The following DYNC1LI2 variants were observed in gnomAD, a reference collection of about 807,000 sequenced individuals.
The protein encoded by DYNC1LI2 is cytoplasmic dynein 1 light intermediate chain 2.
In DYNC1LI2, 19 loss-of-function variants were observed where a neutral mutation model predicts 57.8. The ratio of observed to expected loss-of-function variants is 0.33; its 90% CI spans 0.23 to 0.48. DYNC1LI2 has a LOEUF of 0.48. Ranked by LOEUF, DYNC1LI2 falls within the 20% of genes least tolerant of loss-of-function variation. The probability of loss-of-function intolerance (pLI) is 0.99; values close to 1 mark genes in which losing one functional copy is unlikely to be tolerated. For synonymous variants in DYNC1LI2, 256 were observed against 233.4 expected (o/e 1.10, Z -0.88); for missense variants, 470 against 604.2 (o/e 0.78, Z 2.33).
intron 6 of DYNC1LI2, 181 bp downstream of exon 6, chr16:66,734,037 T>C (rs2017685722): frequency 1.8e-6 from 1 of 561,824 alleles, no homozygotes; most frequent in South Asian, 2.3e-5. Flanking sequence ...TGATCAAAGG[T>C]AGACACAAGT....
chr16:66,741,642 C>T (rs970053956), intron 4 of DYNC1LI2, among the ~76,000 whole-genome samples: 16 of 152,052 alleles, frequency 1.1e-4, no homozygotes, highest in African/African-American at 3.9e-4. Context: ...TGTGAAAATA[C>T]GCCAGGCTGG....
rs376495965 is a variant in DYNC1LI2 at position 66,740,222 on chromosome 16, T to C, written c.529+2216A>G. ...CACAGACACAAAACCACTGGGAACC[T>C]AACCCTAAAAGAGACTGGCCGGCCA... On this transcript the variant is annotated intron_variant, in intron 4 of 12. Transcript: ENST00000258198. Among the ~76,000 whole-genome samples the C allele has an allele frequency of 1.4e-4, 22 of 152,174 alleles. No individual in the cohort carries two copies. In the East Asian group the frequency reaches 4.1e-3, roughly 28 times the overall value.
intron 4 of DYNC1LI2, 71 bp from the exon 5 acceptor site, chr16:66,736,315 A>C: frequency 6.5e-7 from 1 of 1,549,622 alleles, no homozygotes; most frequent in Non-Finnish European, 8.8e-7. Context: ...GAACACTGAA[A>C]AGAAGGCAAT....
intron 4 of DYNC1LI2, chr16:66,739,149 G>A (rs1287532067): frequency 1.3e-5 from 2 of 152,156 alleles, no homozygotes; most frequent in Admixed American, 6.5e-5. Flanking sequence ...CGAAGATCTC[G>A]TGAGGCACTC....
In DYNC1LI2 at chr16:66,751,118, T is replaced by C. The variant is rs2018040475; in HGVS notation, c.181+155A>G. Among the ~76,000 whole-genome samples, 1 of 152,166 alleles carries C rather than the reference T, an allele frequency of 6.6e-6. No homozygotes were observed. The highest frequency in any genetic ancestry group is 2.4e-5 in the African/African-American group (1 of 41,462). On this transcript the variant is annotated intron_variant, in intron 2 of 12. Transcript: ENST00000258198. The surrounding 1 kb of genome is among the most constrained non-coding windows in gnomAD (Gnocchi z 5.2). ...CATCCCACCCTCAGGCGCTGGAGGCTTGACCACTCTCCAGCTGACCGGCCA... is the reference window on the plus strand; with the variant it reads ...CATCCCACCCTCAGGCGCTGGAGGCCTGACCACTCTCCAGCTGACCGGCCA...
chr16:66,729,200 C>G, intron 8 of DYNC1LI2, 101 bp from the exon 9 acceptor site: 2 of 1,315,880 alleles, frequency 1.5e-6, no homozygotes, highest in Non-Finnish European at 2.2e-6. Context: ...GGCTTCAACA[C>G]AGGTCTGGGA....
At chr16:66,730,345 G>GC in intron 7 of DYNC1LI2, 122 bp from the exon 8 acceptor site, 1 of 823,194 alleles carries the variant, frequency 1.2e-6, no homozygotes, top group Non-Finnish European at 1.8e-6. Flanking sequence ...AGTTGTTGGG[G>GC]GTTGTTTGTA....
chr16:66,735,555 G>A (rs1424734037), intron 5 of DYNC1LI2, among the ~76,000 whole-genome samples: 1 of 151,876 alleles, frequency 6.6e-6, no homozygotes, highest in African/African-American at 2.4e-5. Context: ...CGCTCAGGCT[G>A]GAGTGCAATG....
chr16:66,735,164 C>T (rs1044466491), intron 5 of DYNC1LI2, among the ~76,000 whole-genome samples: 20 of 147,314 alleles, frequency 1.4e-4, no homozygotes, highest in Admixed American at 2.7e-4. Flanking sequence ...AGTGCAGTGG[C>T]GCCATCTCAG....
intron 11 of DYNC1LI2, among the ~76,000 whole-genome samples, chr16:66,726,766 C>T (rs1234760462): frequency 1.3e-5 from 2 of 152,140 alleles, no homozygotes; most frequent in Non-Finnish European, 2.9e-5. Context: ...CTCTGCCTCC[C>T]GAGTAGCTGG....
intron 3 of DYNC1LI2, 119 bp from the exon 4 acceptor site, chr16:66,742,787 A>T: frequency 1.6e-6 from 2 of 1,224,386 alleles, no homozygotes; most frequent in Non-Finnish European, 2.2e-6. Flanking sequence ...AATAGAATGC[A>T]AAATTTGGAA....
Position 66,723,426 on chromosome 16 carries a change from CTCTT to C in DYNC1LI2, c.*292_*295del, listed in dbSNP as rs1326285571. On this transcript the variant is annotated 3_prime_UTR_variant, in exon 13 of 13. Transcript: ENST00000258198. ...GCTCCACCCTGTTAGAAAGTGGGCC[CTCTT>C]TCTTTCACTCTACCTTCCCCTCCAC... 2 of 525,130 alleles carry C rather than the reference CTCTT, an allele frequency of 3.8e-6. No homozygotes were observed. Among genetic ancestry groups the C allele is most frequent in the Admixed American group, 4.5e-5 (2 of 44,720 alleles). 32.5% of individuals were successfully genotyped at this position (525,130 alleles called of 1,614,324 possible). A position where few individuals can be genotyped will look rare whatever the true frequency, so the allele number is the denominator to read the frequency against.
chr16:66,742,200 G>T, intron 4 of DYNC1LI2, among the ~76,000 whole-genome samples: 1 of 152,178 alleles, frequency 6.6e-6, no homozygotes, highest in East Asian at 1.9e-4. Context: ...TATTTGAAAC[G>T]GAAACCAATG....
chr16:66,723,654 A>G lies in DYNC1LI2; in HGVS notation c.*68T>C. 1 of 1,439,562 alleles carries G rather than the reference A, an allele frequency of 6.9e-7. No individual in the cohort carries two copies. Among genetic ancestry groups the G allele is most frequent in the Non-Finnish European group, 9.5e-7 (1 of 1,056,268 alleles). The allele number at this position is 1,439,562 out of a possible 1,614,324, so 89.2% of individuals were successfully genotyped here. A position where few individuals can be genotyped will look rare whatever the true frequency, so the allele number is the denominator to read the frequency against. On this transcript the variant is annotated 3_prime_UTR_variant, in exon 13 of 13. Transcript: ENST00000258198. Reference sequence around the variant, plus strand: ...TGATAGCATGTGCCATATCAGAAAAATCCTGGTCTTAGCAGATCAATATAC... The same window carrying G: ...TGATAGCATGTGCCATATCAGAAAAGTCCTGGTCTTAGCAGATCAATATAC...
chr16:66,742,344 A>G, intron 4 of DYNC1LI2, 94 bp downstream of exon 4: 1 of 1,290,352 alleles, frequency 7.7e-7, no homozygotes, highest in Non-Finnish European at 1.1e-6. Flanking sequence ...ACCACGAAGC[A>G]AGGGAAGCCT....
chr16:66,734,003 C>G, intron 6 of DYNC1LI2: 2 of 509,872 alleles, frequency 3.9e-6, no homozygotes, highest in South Asian at 5.2e-5. Flanking sequence ...TTAAAACAAA[C>G]AAACAAACAA....
chr16:66,726,016 A>C, intron 11 of DYNC1LI2, 72 bp from the exon 12 acceptor site: 1 of 1,516,424 alleles, frequency 6.6e-7, no homozygotes, highest in Non-Finnish European at 8.9e-7. Context: ...CCTAGTTCTC[A>C]GCTTGGCATT....
chr16:66,735,501 C>CT (rs137881314), intron 5 of DYNC1LI2, among the ~76,000 whole-genome samples: 18 of 149,768 alleles, frequency 1.2e-4, no homozygotes, highest in Non-Finnish European at 1.8e-4. Context: ...GCTGTGAGTT[C>CT]TTTTTTTTTT....
chr16:66,735,501 C>A (rs1430876694), intron 5 of DYNC1LI2, among the ~76,000 whole-genome samples: 1 of 149,768 alleles, frequency 6.7e-6, no homozygotes, highest in Non-Finnish European at 1.5e-5. Flanking sequence ...GCTGTGAGTT[C>A]TTTTTTTTTT....
Sources: gnomAD v4.1 joint callset for allele counts (sites outside exome capture counted in the v4.1 genomes callset) on GRCh38, gnomAD v4.1.1 for gene constraint, Gnocchi (gnomAD v3.1) non-coding constraint, MANE v1.5 for transcripts, NCBI Gene and HGNC (gene_info 2026-07-23, HGNC 2026-07-21) for gene names.